Variants in CFAP92 observed in about 807,000 individuals in gnomAD.
The protein encoded by CFAP92 is cilia and flagella associated protein 92 (putative).
In CFAP92, 86 loss-of-function variants were observed where a neutral mutation model predicts 106.3. The observed-to-expected ratio is 0.81, with a 90% CI of 0.68 to 0.97. CFAP92 has a LOEUF of 0.97. CFAP92 is among the 50% of genes least tolerant of loss of function. CFAP92 has a pLI of 0.00. For missense variants in CFAP92, 1,204 were observed against 1,283.8 expected (o/e 0.94, Z 0.95); for synonymous variants, 477 against 506.4 (o/e 0.94, Z 0.78).
At chr3:128,923,500 C>A (rs573560426) in intron 12 of CFAP92, among the ~76,000 whole-genome samples, 8 of 152,348 alleles carry the variant, frequency 5.3e-5, no homozygotes, top group African/African-American at 1.9e-4. Context: ...AATATCATCG[C>A]CCCTGTTCAG....
chr3:128,947,781 G>A (rs1343275005), intron 9 of CFAP92, among the ~76,000 whole-genome samples: 5 of 151,992 alleles, frequency 3.3e-5, no homozygotes, highest in African/African-American at 9.7e-5. Flanking sequence ...AGGTTTCAAC[G>A]AGCTACAACT....
chr3:128,987,567 G>C (rs1490490149), intron 4 of CFAP92, 49 bp downstream of exon 4: 12 of 1,512,370 alleles, frequency 7.9e-6, no homozygotes, highest in South Asian at 2.3e-5. Context: ...GCTGTTACTA[G>C]TGAGTAAGCC....
chr3:128,914,587 A>G (rs918855575), intron 15 of CFAP92: 2 of 152,760 alleles, frequency 1.3e-5, no homozygotes, highest in East Asian at 1.9e-4. Context: ...TTTGGGTTCT[A>G]TGTTAACCTC....
intron 10 of CFAP92, among the ~76,000 whole-genome samples, chr3:128,940,294 A>C (rs1939497482): frequency 6.6e-6 from 1 of 152,208 alleles, no homozygotes; most frequent in Non-Finnish European, 1.5e-5. Context: ...CTAATTGGCG[A>C]TAATCCACAC....
At chr3:128,932,645 C>T in intron 12 of CFAP92, 55 bp downstream of exon 12, 1 of 1,487,028 alleles carries the variant, frequency 6.7e-7, no homozygotes, top group South Asian at 1.3e-5. Context: ...CAGCAGGCGC[C>T]TGGACCGCCC....
upstream of CFAP92, chr3:129,004,193 G>T: frequency 8.3e-7 from 1 of 1,203,390 alleles, no homozygotes; most frequent in Non-Finnish European, 1.1e-6. Context: ...TTCTCCATGC[G>T]TTTATTCATG....
intron 9 of CFAP92, among the ~76,000 whole-genome samples, chr3:128,964,802 T>C (rs1014267848): frequency 3.9e-4 from 59 of 152,190 alleles, no homozygotes; most frequent in African/African-American, 1.2e-3. Context: ...GCTTAATCTC[T>C]CCCACTCTAG....
At chr3:128,983,217 A>AT (rs775881809) in intron 4 of CFAP92, among the ~76,000 whole-genome samples, 5 of 152,200 alleles carry the variant, frequency 3.3e-5, no homozygotes, top group Non-Finnish European at 7.3e-5. Flanking sequence ...CTGCCTCCAA[A>AT]TTCCAGGAAA....
Position 128,985,793 on chromosome 3 carries a change from C to T in CFAP92, c.667+1823G>A, listed in dbSNP as rs182883948. Reference sequence around the variant, plus strand: ...AATTACCTTGAATCCCATTTTCTCACACTGGAAGCCTACGACTTGTAGTGT... The same window carrying T: ...AATTACCTTGAATCCCATTTTCTCATACTGGAAGCCTACGACTTGTAGTGT... On this transcript the variant is annotated intron_variant, in intron 4 of 15. Coordinates refer to ENST00000645291, the MANE Select transcript of CFAP92 (RefSeq NM_001394090.1). Among the ~76,000 whole-genome samples the T allele has an allele frequency of 1.3e-3, 204 of 152,328 alleles. 1 individual carries two copies. Among genetic ancestry groups the T allele is most frequent in the Non-Finnish European group, 2.5e-3 (169 of 68,038 alleles).
At chr3:128,984,007 G>C (rs900833132) in intron 4 of CFAP92, among the ~76,000 whole-genome samples, 2 of 152,178 alleles carry the variant, frequency 1.3e-5, no homozygotes, top group Non-Finnish European at 2.9e-5. Context: ...CAGAGGGCAG[G>C]AGGGAAAAGA....
chr3:129,023,310 C>CTT, the CFAP92 span, among the ~76,000 whole-genome samples: 2,969 of 138,130 alleles, frequency 0.021, 87 homozygotes, highest in South Asian at 0.084. Flanking sequence ...CCTCTTGCTT[C>CTT]TTTTTTTTTT....
chr3:128,932,834 CAGGCTGAGGTGGT>C lies in CFAP92; in HGVS notation c.2604_2616del (p.Gln871IlefsTer14). On this transcript the variant is annotated frameshift_variant, in exon 12 of 16. Transcript: ENST00000645291. LOFTEE classifies it high-confidence loss of function. ...CTGTGGTAGTCCTCAAGATTGGGGGCAGGCTGAGGTGGTAGGGCAAACAGTTTCTCATCTGTGA... is the reference window on the plus strand; with the variant it reads ...CTGTGGTAGTCCTCAAGATTGGGGGCAGGGCAAACAGTTTCTCATCTGTGA... 2 of 1,536,202 alleles carry C rather than the reference CAGGCTGAGGTGGT, an allele frequency of 1.3e-6. No individual in the cohort carries two copies. Among genetic ancestry groups the C allele is most frequent in the Non-Finnish European group, 1.7e-6 (2 of 1,146,918 alleles).
At chr3:128,939,639 CT>C (rs1423997495) in intron 10 of CFAP92, among the ~76,000 whole-genome samples, 2 of 151,960 alleles carry the variant, frequency 1.3e-5, no homozygotes, top group African/African-American at 2.4e-5. Flanking sequence ...ACCCCCACCC[CT>C]GATCCACCGC....
chr3:128,979,143 G>A (rs1164470172), intron 4 of CFAP92, among the ~76,000 whole-genome samples: 1 of 152,206 alleles, frequency 6.6e-6, no homozygotes, highest in Non-Finnish European at 1.5e-5. Context: ...CAAAGGATAT[G>A]AACAGACACT....
intron 9 of CFAP92, among the ~76,000 whole-genome samples, chr3:128,957,233 ATACACTT>A (rs1941512292): frequency 6.6e-6 from 1 of 152,216 alleles, no homozygotes. Context: ...GGGTAAACAA[ATACACTT>A]TCCTTCAACC....
chr3:128,946,104 A>G (rs1276817275), intron 9 of CFAP92, 129 bp from the exon 10 acceptor site: 7 of 588,982 alleles, frequency 1.2e-5, no homozygotes, highest in African/African-American at 3.7e-5. Flanking sequence ...CTCATCCACA[A>G]AATATCCATA....
chr3:128,949,428 AT>A, intron 9 of CFAP92, among the ~76,000 whole-genome samples: 1 of 152,374 alleles, frequency 6.6e-6, no homozygotes, highest in Middle Eastern at 3.4e-3. Context: ...TCTGAAAGGC[AT>A]TACCTTGAGT....
chr3:128,946,373 G>A (rs1034452096), intron 9 of CFAP92, among the ~76,000 whole-genome samples: 8 of 152,108 alleles, frequency 5.3e-5, no homozygotes, highest in Non-Finnish European at 1.0e-4. Context: ...ATATATATCT[G>A]GGGGTCGACA....
At chr3:128,915,897 T>C (rs766140558) in intron 13 of CFAP92, 4 of 434,522 alleles carry the variant, frequency 9.2e-6, no homozygotes, top group Non-Finnish European at 1.6e-5. Context: ...TGAGCTTACA[T>C]TGAGGATCTT....
Sources: allele counts gnomAD v4.1 joint callset (sites outside exome capture counted in the v4.1 genomes callset), GRCh38; gene constraint gnomAD v4.1.1; transcripts MANE v1.5; gene names NCBI Gene and HGNC (gene_info 2026-07-23, HGNC 2026-07-21).